FILIP1: variants seen among roughly 807,000 people sequenced by gnomAD.
FILIP1 encodes filamin-A-interacting protein 1.
FILIP1 carries 61 observed loss-of-function variants against 102.1 expected under a neutral mutation model. That is an observed-to-expected ratio of 0.60 (90% CI 0.49 to 0.74). The LOEUF (loss-of-function observed/expected upper bound fraction) is 0.74. FILIP1 is among the 30% of genes least tolerant of loss of function. The pLI, the probability that FILIP1 is intolerant of heterozygous loss-of-function variation, is 0.00. For synonymous variants in FILIP1, 491 were observed against 526.9 expected (o/e 0.93, Z 0.93); for missense variants, 1,314 against 1,441.2 (o/e 0.91, Z 1.43).
chr6:75,327,302 CT>C (rs1007654004), intron 4 of FILIP1, among the ~76,000 whole-genome samples: 4 of 152,150 alleles, frequency 2.6e-5, no homozygotes, highest in African/African-American at 4.8e-5. Flanking sequence ...TGCTATCCCC[CT>C]GGCCCAAGCC....
chr6:75,312,936 T>C lies in FILIP1; in HGVS notation c.2896A>G (p.Lys966Glu). ...GGGCCAAGAGTAGTATCTCCACTTT[T>C]TTGTTTTTGAGGCATAACGTTTGGT... is the stretch of plus-strand genomic sequence containing the variant. Reference protein sequence around the residue: ...PSPNVMPQKQKSGDTTLGPER... With the variant: ...PSPNVMPQKQESGDTTLGPER... The change falls in exon 5 of 6, where the codon AAA becomes GAA. Residue 966 changes from lysine (K) to glutamate (E), a missense_variant. Physicochemically the swap from Lys to Glu is moderately conservative, Grantham distance 56 (BLOSUM62 1). Coordinates refer to ENST00000237172, the MANE Select transcript of FILIP1 (RefSeq NM_015687.5). 1 of 1,614,148 alleles carries C rather than the reference T, an allele frequency of 6.2e-7. No individual in the cohort carries two copies. Among genetic ancestry groups the C allele is most frequent in the Non-Finnish European group, 8.5e-7 (1 of 1,180,028 alleles).
At chr6:75,316,583 TTAAA>T (rs1773456546) in intron 4 of FILIP1, among the ~76,000 whole-genome samples, 1 of 152,168 alleles carries the variant, frequency 6.6e-6, no homozygotes, top group African/African-American at 2.4e-5. Context: ...CTATTAATAA[TTAAA>T]TACAGTGTGA....
intron 4 of FILIP1, among the ~76,000 whole-genome samples, chr6:75,338,431 A>G (rs564946804): frequency 6.6e-6 from 1 of 152,348 alleles, no homozygotes; most frequent in Admixed American, 6.5e-5. Context: ...GTGCGCACAC[A>G]GTCAAAGAGC....
chr6:75,338,238 C>G (rs1412295080), intron 4 of FILIP1, among the ~76,000 whole-genome samples: 2 of 152,202 alleles, frequency 1.3e-5, no homozygotes, highest in African/African-American at 4.8e-5. Context: ...CTCTTGTTTG[C>G]AGTTAAAGCT....
At chr6:75,323,624 T>C (rs1773735102) in intron 4 of FILIP1, among the ~76,000 whole-genome samples, 1 of 152,168 alleles carries the variant, frequency 6.6e-6, no homozygotes, top group South Asian at 2.1e-4. Context: ...TTTCAGGTCC[T>C]AGACAATCTC....
intron 1 of FILIP1, 76 bp downstream of exon 1, chr6:75,493,338 A>C (rs2149791700): frequency 6.6e-6 from 1 of 152,378 alleles, no homozygotes; most frequent in African/African-American, 2.4e-5. Flanking sequence ...CAGACAAAAC[A>C]GAATGGGAGA....
chr6:75,424,650 T>G (rs141101586), intron 1 of FILIP1, among the ~76,000 whole-genome samples: 154 of 152,288 alleles, frequency 1.0e-3, no homozygotes, highest in Admixed American at 1.8e-3. Context: ...AATTTCCTGA[T>G]AGAAAAATAT....
intron 4 of FILIP1, among the ~76,000 whole-genome samples, chr6:75,328,264 C>T (rs532334696): frequency 6.6e-6 from 1 of 152,056 alleles, no homozygotes; most frequent in East Asian, 1.9e-4. Context: ...GGCAAGAGTC[C>T]TTTATTTTTA....
At chr6:75,327,193 C>G (rs755747594) in intron 4 of FILIP1, among the ~76,000 whole-genome samples, 3 of 152,226 alleles carry the variant, frequency 2.0e-5, no homozygotes, top group Non-Finnish European at 4.4e-5. Flanking sequence ...AAATTTAGAG[C>G]CATCTTGAGT....
Position 75,312,906 on chromosome 6 carries a change from G to A in FILIP1, c.2926C>T (p.Arg976Ter), listed in dbSNP as rs1773258813. 7.4e-6 allele frequency: 12 copies of A among 1,614,154 alleles called. No individual in the cohort carries two copies. The highest frequency in any genetic ancestry group is 1.3e-5 in the African/African-American group (1 of 75,032). ...KSGDTTLGPERAMSPVTITTF... is the reference protein window; with the variant it reads ...KSGDTTLGPE The stretch of plus-strand genomic sequence containing the variant: ...GTAATTGTGACTGGGGACATGGCTC[G>A]TTCTGGGCCAAGAGTAGTATCTCCA... The change falls in exon 5 of 6, where the codon CGA (arginine) becomes TGA (stop). Residue 976 changes from arginine to a stop codon, truncating the protein, a stop_gained. Coordinates refer to ENST00000237172, the MANE Select transcript of FILIP1 (RefSeq NM_015687.5). LOFTEE classifies it high-confidence loss of function.
intron 1 of FILIP1, among the ~76,000 whole-genome samples, chr6:75,450,967 T>A (rs1371002095): frequency 6.6e-6 from 1 of 151,962 alleles, no homozygotes; most frequent in African/African-American, 2.4e-5. Context: ...AAAAAATTAG[T>A]TTATATAAGT....
intron 1 of FILIP1, among the ~76,000 whole-genome samples, chr6:75,459,075 A>G (rs917806131): frequency 7.9e-5 from 12 of 152,186 alleles, no homozygotes. Flanking sequence ...GTTTGCCTGG[A>G]GGCCCCAAAG....
At position 75,481,689 on chromosome 6, in the gene FILIP1, C is replaced by T. The variant is rs551809024; in HGVS notation, c.-7+11725G>A. 1.6e-4 allele frequency among the ~76,000 whole-genome samples: 25 copies of T among 152,298 alleles called. No individual in the cohort carries two copies. In the South Asian group the frequency reaches 5.2e-3, roughly 32 times the overall value. On this transcript the variant is annotated intron_variant, in intron 1 of 5. Coordinates refer to ENST00000237172, the MANE Select transcript of FILIP1 (RefSeq NM_015687.5). ...ATTTAGATCCTATGTTCTATCAGTT[C>T]AGCATCAATCCAACCCCTCTTTTAG... is the stretch of plus-strand genomic sequence containing the variant.
chr6:75,316,250 TATA>T (rs1488247599), intron 4 of FILIP1, among the ~76,000 whole-genome samples: 1 of 152,222 alleles, frequency 6.6e-6, no homozygotes, highest in Non-Finnish European at 1.5e-5. Context: ...AAAACAAAAT[TATA>T]ATCATATTTG....
At chr6:75,386,323 C>T (rs151158274) in intron 2 of FILIP1, 2 of 152,182 alleles carry the variant, frequency 1.3e-5, no homozygotes, top group African/African-American at 4.8e-5. Flanking sequence ...GCACTGAACT[C>T]ACTTCATGTT....
At chr6:75,441,617 C>T (rs1338521636) in intron 1 of FILIP1, among the ~76,000 whole-genome samples, 3 of 148,216 alleles carry the variant, frequency 2.0e-5, no homozygotes, top group Non-Finnish European at 4.4e-5. Flanking sequence ...GGGCTGACCC[C>T]CCCGACCTCC....
At chr6:75,419,158 G>A (rs1777367273) in intron 1 of FILIP1, among the ~76,000 whole-genome samples, 1 of 152,126 alleles carries the variant, frequency 6.6e-6, no homozygotes, top group South Asian at 2.1e-4. Context: ...AACAAAAAAT[G>A]TCTACAGAAA....
intron 6 of FILIP1, among the ~76,000 whole-genome samples, chr6:75,299,117 T>G (rs1332617726): frequency 1.3e-5 from 2 of 152,166 alleles, no homozygotes; most frequent in Non-Finnish European, 2.9e-5. Context: ...CCTGTCTTTT[T>G]GTATATAGTA....
chr6:75,376,293 G>A (rs1042306559), intron 2 of FILIP1, among the ~76,000 whole-genome samples: 4 of 152,128 alleles, frequency 2.6e-5, no homozygotes, highest in South Asian at 2.1e-4. Flanking sequence ...TTAGAAACAT[G>A]CATCGGTACA....
Sources: allele counts gnomAD v4.1 joint callset (sites outside exome capture counted in the v4.1 genomes callset), GRCh38; gene constraint gnomAD v4.1.1; transcripts MANE v1.5; gene names NCBI Gene and HGNC (gene_info 2026-07-23, HGNC 2026-07-21).